Variants in UBE2W observed in about 807,000 individuals in gnomAD.
The protein encoded by UBE2W is ubiquitin-conjugating enzyme E2 W.
Under a neutral mutation model 27.2 loss-of-function variants are expected in UBE2W, and 18 were observed. The observed-to-expected ratio is 0.66, with a 90% CI of 0.46 to 0.98. The LOEUF (loss-of-function observed/expected upper bound fraction) is 0.98, where lower values mean the gene tolerates loss of function less well. UBE2W is among the 50% of genes least tolerant of loss of function. The pLI is 0.00. For missense variants in UBE2W, 90 were observed against 180.2 expected (o/e 0.50, Z 2.87); for synonymous variants, 53 against 57.2 (o/e 0.93, Z 0.33).
At chr8:73,857,311 G>A (rs2130962779) in intron 1 of UBE2W, among the ~76,000 whole-genome samples, 1 of 152,172 alleles carries the variant, frequency 6.6e-6, no homozygotes, top group South Asian at 2.1e-4. Flanking sequence ...CAGCAAAAAT[G>A]TTTAAACCCT....
downstream of UBE2W, among the ~76,000 whole-genome samples, chr8:73,785,392 C>T (rs1371299093): frequency 6.6e-6 from 1 of 152,090 alleles, no homozygotes; most frequent in African/African-American, 2.4e-5. Context: ...ATCCGCCTGC[C>T]TTGGCCTCCC....
Position 73,861,750 on chromosome 8 carries a change from G to A in UBE2W, c.15+17058C>T, listed in dbSNP as rs145193152. Among the ~76,000 whole-genome samples, 57 of 152,192 alleles carry A rather than the reference G, an allele frequency of 3.7e-4. No homozygotes were observed. The East Asian group carries it at 7.7e-3, about 21-fold the overall frequency. On this transcript the variant is annotated intron_variant, in intron 1 of 5. Transcript: ENST00000602593. ...AGCTCATAACTGAGCCTATGGAACC[G>A]CCCCATAGCCACATCTTAATGTACT...
rs535060859 is a variant in UBE2W, at chr8:73,787,296, C to T, written c.*6806G>A. ...ATTTAGCTTATGTTTAATTTTGTTACGTGTTATGTTAGTGTGAAAATGAGT... is the reference window on the plus strand; with the variant it reads ...ATTTAGCTTATGTTTAATTTTGTTATGTGTTATGTTAGTGTGAAAATGAGT... On this transcript the variant is annotated 3_prime_UTR_variant, in exon 6 of 6. Transcript: ENST00000602593. 13 of 985,300 alleles carry T rather than the reference C, an allele frequency of 1.3e-5. No homozygotes were observed. Among genetic ancestry groups the T allele is most frequent in the East Asian group, 2.3e-4 (2 of 8,814 alleles). 61.0% of individuals were successfully genotyped at this position (985,300 alleles called of 1,614,324 possible).
At chr8:73,800,620 T>A (rs902088517) in intron 5 of UBE2W, among the ~76,000 whole-genome samples, 2 of 152,176 alleles carry the variant, frequency 1.3e-5, no homozygotes, top group Admixed American at 1.3e-4. Flanking sequence ...CTAATTACTG[T>A]ATGAACTTCA....
At chr8:73,874,227 G>C (rs1396880779) in intron 1 of UBE2W, among the ~76,000 whole-genome samples, 6 of 151,700 alleles carry the variant, frequency 4.0e-5, no homozygotes, top group African/African-American at 1.5e-4. Flanking sequence ...GTCAGGAGAT[G>C]GAGACCATCC....
At chr8:73,844,627 G>A (rs931870877) in intron 1 of UBE2W, among the ~76,000 whole-genome samples, 6 of 151,212 alleles carry the variant, frequency 4.0e-5, no homozygotes, top group Non-Finnish European at 5.9e-5. Context: ...GATGTGAGGA[G>A]CCCCTCTGCC....
intron 4 of UBE2W, among the ~76,000 whole-genome samples, chr8:73,807,371 C>T (rs1319671554): frequency 1.3e-5 from 2 of 152,170 alleles, no homozygotes; most frequent in African/African-American, 4.8e-5. Context: ...AGAAAGCAAT[C>T]GTGAGTAGGA....
intron 1 of UBE2W, among the ~76,000 whole-genome samples, chr8:73,853,901 C>A (rs935033609): frequency 6.6e-6 from 1 of 152,128 alleles, no homozygotes; most frequent in Non-Finnish European, 1.5e-5. Flanking sequence ...GTAATCCCAG[C>A]ATTTTGGGAG....
chr8:73,836,687 C>T lies in UBE2W; in HGVS notation c.16-6215G>A, dbSNP rs569357460. Among the ~76,000 whole-genome samples, 98 of 152,282 alleles carry T rather than the reference C, an allele frequency of 6.4e-4. 3 individuals are homozygous for T. The South Asian group carries it at 0.02, about 31-fold the overall frequency. ...TTTAGAGGTCACACAATCCAGAAAG[C>T]TATAATCACATGAGGCTGCATTCAC... On this transcript the variant is annotated intron_variant, in intron 1 of 5. Coordinates refer to ENST00000602593, the MANE Select transcript of UBE2W (RefSeq NM_018299.6).
intron 5 of UBE2W, chr8:73,796,061 CAAAAAAAAAAAA>C (rs34660612): frequency 4.6e-5 from 3 of 65,688 alleles, no homozygotes; most frequent in African/African-American, 1.3e-4. Context: ...ACACCATCTC[CAAAAAAAAAAAA>C]AAAAAAAAAA....
intron 1 of UBE2W, among the ~76,000 whole-genome samples, chr8:73,866,967 C>T (rs1042455976): frequency 5.8e-4 from 86 of 148,328 alleles, no homozygotes; most frequent in Middle Eastern, 3.4e-3. Flanking sequence ...ATCACGCCAC[C>T]GCACTCCAGC....
At chr8:73,850,177 A>G (rs773872100) in intron 1 of UBE2W, among the ~76,000 whole-genome samples, 1 of 152,206 alleles carries the variant, frequency 6.6e-6, no homozygotes, top group Non-Finnish European at 1.5e-5. Context: ...ATACAATTAT[A>G]CTCAATTATT....
At chr8:73,823,819 A>T (rs1317850044) in intron 3 of UBE2W, among the ~76,000 whole-genome samples, 1 of 152,188 alleles carries the variant, frequency 6.6e-6, no homozygotes, top group Non-Finnish European at 1.5e-5. Flanking sequence ...ATGCTTTAAA[A>T]CAATTATCTC....
intron 1 of UBE2W, among the ~76,000 whole-genome samples, chr8:73,849,153 C>T (rs1156314838): frequency 5.3e-5 from 8 of 151,996 alleles, no homozygotes; most frequent in African/African-American, 1.5e-4. Flanking sequence ...TGAGATTTTT[C>T]GTAAAAGTTT....
rs144512260 is a variant in UBE2W at position 73,875,225 on chromosome 8, T to A, written c.15+3583A>T. ...TGTATATGGCAGAACTCTAGCAATA[T>A]TAGGGAGTAGAGCGTCCCCAGCATT... On this transcript the variant is annotated intron_variant, in intron 1 of 5. Transcript: ENST00000602593. 2.0e-5 allele frequency among the ~76,000 whole-genome samples: 3 copies of A among 152,252 alleles called. No homozygotes were observed. The East Asian group carries it at 5.8e-4, about 29-fold the overall frequency.
Position 73,866,290 on chromosome 8 carries a change from A to AATATAT in UBE2W, c.15+12512_15+12517dup, listed in dbSNP as rs71269958. Among the ~76,000 whole-genome samples, 193 of 43,054 alleles carry AATATAT rather than the reference A, an allele frequency of 4.5e-3. 9 individuals are homozygous for AATATAT. The highest frequency in any genetic ancestry group is 0.036 in the Middle Eastern group (2 of 56). The allele number at this position is 43,054 out of a possible 152,430, so 28.2% of individuals were successfully genotyped here. A position where few individuals can be genotyped will look rare whatever the true frequency, so the allele number is the denominator to read the frequency against. ...GTCTAAAAAAAAAAAAAAAAAAAAA[A>AATATAT]ATATATATATATATATATATATATA... On this transcript the variant is annotated intron_variant, in intron 1 of 5. Transcript: ENST00000602593.
At chr8:73,841,883 C>A (rs950985167) in intron 1 of UBE2W, among the ~76,000 whole-genome samples, 1 of 151,938 alleles carries the variant, frequency 6.6e-6, no homozygotes, top group African/African-American at 2.4e-5. Flanking sequence ...GGCAAAGAGA[C>A]AACAATGAAA....
intron 1 of UBE2W, among the ~76,000 whole-genome samples, chr8:73,845,339 A>G (rs1021887772): frequency 6.6e-6 from 1 of 152,246 alleles, no homozygotes; most frequent in Non-Finnish European, 1.5e-5. Flanking sequence ...TAGACATAGG[A>G]GACTCCATTT....
At chr8:73,865,833 C>A (rs1811732695) in intron 1 of UBE2W, among the ~76,000 whole-genome samples, 1 of 152,076 alleles carries the variant, frequency 6.6e-6, no homozygotes, top group Admixed American at 6.6e-5. Context: ...TATCTCTAAT[C>A]ATAAAATGCA....
Sources: gnomAD v4.1 joint callset for allele counts (sites outside exome capture counted in the v4.1 genomes callset) on GRCh38, gnomAD v4.1.1 for gene constraint, MANE v1.5 for transcripts, NCBI Gene and HGNC (gene_info 2026-07-23, HGNC 2026-07-21) for gene names.